The following TREML2 variants were observed in gnomAD, a reference collection of about 807,000 sequenced individuals.
The protein encoded by TREML2 is triggering receptor expressed on myeloid cells like 2.
Under a neutral mutation model 25.9 loss-of-function variants are expected in TREML2, and 24 were observed. The ratio of observed to expected loss-of-function variants is 0.93; its 90% CI spans 0.67 to 1.30. The LOEUF is 1.30. Ranked by LOEUF, TREML2 falls within the 50% of genes most tolerant of loss-of-function variation. The probability of loss-of-function intolerance (pLI) is 0.00; values close to 1 mark genes in which losing one functional copy is unlikely to be tolerated. For synonymous variants in TREML2, 139 were observed against 155.2 expected (o/e 0.90, Z 0.77); for missense variants, 359 against 395.6 (o/e 0.91, Z 0.78).
At chr6:41,195,371 A>G (rs1766143641) in intron 2 of TREML2, among the ~76,000 whole-genome samples, 1 of 152,078 alleles carries the variant, frequency 6.6e-6, no homozygotes, top group South Asian at 2.1e-4. Context: ...GCCCTTTTCC[A>G]TCCCATTTTC....
chr6:41,196,066 A>AT (rs992487355), intron 2 of TREML2, among the ~76,000 whole-genome samples: 13 of 152,244 alleles, frequency 8.5e-5, no homozygotes, highest in East Asian at 3.9e-4. Flanking sequence ...TGGAATAAGG[A>AT]TTTTTTTTAT....
At position 41,190,731 on chromosome 6, in the gene TREML2, T is replaced by G. The variant is rs1298889998; in HGVS notation, c.*1696A>C. The G allele has an allele frequency of 3.9e-5, 6 of 152,138 alleles. No individual in the cohort carries two copies. Among genetic ancestry groups the G allele is most frequent in the Admixed American group, 3.9e-4 (6 of 15,278 alleles). 9.4% of individuals were successfully genotyped at this position (152,138 alleles called of 1,614,324 possible). Reference sequence around the variant, plus strand: ...ACTGGTGCCAGCTCTTGGGGAGCTATTTTCCCCCAGGTGGGTTAAGTTCTC... The same window carrying G: ...ACTGGTGCCAGCTCTTGGGGAGCTAGTTTCCCCCAGGTGGGTTAAGTTCTC... On this transcript the variant is annotated 3_prime_UTR_variant, in exon 5 of 5. Transcript: ENST00000483722.
At chr6:41,199,443 T>G (rs1291134127) in intron 1 of TREML2, among the ~76,000 whole-genome samples, 1 of 152,262 alleles carries the variant, frequency 6.6e-6, no homozygotes, top group African/African-American at 2.4e-5. Context: ...TAAATATACA[T>G]GTAAACAAAC....
In TREML2 at chr6:41,194,350, G is replaced by C. The variant is rs1031360865; in HGVS notation, c.785+75C>G. The C allele has an allele frequency of 1.3e-5, 19 of 1,413,250 alleles. No individual in the cohort carries two copies. In the African/African-American group the frequency reaches 2.6e-4, roughly 19 times the overall value. The allele number at this position is 1,413,250 out of a possible 1,614,324, so 87.5% of individuals were successfully genotyped here. A position where few individuals can be genotyped will look rare whatever the true frequency, so the allele number is the denominator to read the frequency against. Reference sequence around the variant, plus strand: ...CCTGGGGAGCAAAAGGGGAAGGTCAGATATAAGACTTGCACCTCCAGGTCT... The same window carrying C: ...CCTGGGGAGCAAAAGGGGAAGGTCACATATAAGACTTGCACCTCCAGGTCT... On this transcript the variant is annotated intron_variant, in intron 3 of 4. Transcript: ENST00000483722.
chr6:41,190,608 A>C lies in TREML2; in HGVS notation c.*1819T>G, dbSNP rs1192257455. 1 of 152,236 alleles carries C rather than the reference A, an allele frequency of 6.6e-6. No homozygotes were observed. The highest frequency in any genetic ancestry group is 1.5e-5 in the Non-Finnish European group (1 of 68,044). The allele number at this position is 152,236 out of a possible 1,614,324, so 9.4% of individuals were successfully genotyped here. ...GGGTTAGTGACTTGCTGAGGGTCAC[A>C]CAGTGACAGAGTGGTATCCTGGTCC... On this transcript the variant is annotated 3_prime_UTR_variant, in exon 5 of 5. Transcript: ENST00000483722.
intron 1 of TREML2, 62 bp downstream of exon 1, chr6:41,200,892 G>T: frequency 7.2e-7 from 1 of 1,392,886 alleles, no homozygotes; most frequent in Non-Finnish European, 9.5e-7. Flanking sequence ...TAAGAAAAAG[G>T]CCCTGAGCTC....
rs1406624849 is a variant in TREML2, at chr6:41,198,204, G to A, written c.281C>T (p.Ala94Val). ...QAKVVNITMV[A>V]LKLQDSGRYW... is the part of the protein sequence containing the mutation. Reference sequence around the variant, plus strand: ...TCGGCCTGAGTCCTGGAGCTTGAGGGCCACCATGGTGATGTTGACCACCTT... The same window carrying A: ...TCGGCCTGAGTCCTGGAGCTTGAGGACCACCATGGTGATGTTGACCACCTT... Residue 94 changes from alanine to valine, a missense_variant, in exon 2 of 5, where the codon GCC (alanine) becomes GTC (valine). Transcript: ENST00000483722. 18 of 1,614,104 alleles carry A rather than the reference G, an allele frequency of 1.1e-5. No individual in the cohort carries two copies. The highest frequency in any genetic ancestry group is 1.4e-5 in the Non-Finnish European group (17 of 1,180,042).
intron 1 of TREML2, among the ~76,000 whole-genome samples, chr6:41,199,279 G>GA (rs1766234646): frequency 6.6e-6 from 1 of 152,208 alleles, no homozygotes; most frequent in African/African-American, 2.4e-5. Context: ...AGGTAGATAA[G>GA]AAAATCTAGT....
chr6:41,200,200 C>G (rs1303738295), intron 1 of TREML2, among the ~76,000 whole-genome samples: 2 of 152,208 alleles, frequency 1.3e-5, no homozygotes, highest in East Asian at 3.8e-4. Flanking sequence ...AATGATCCAA[C>G]TTCATTATTT....
Position 41,192,345 on chromosome 6 carries a change from G to T in TREML2, c.*82C>A, listed in dbSNP as rs538028008. 2.7e-6 allele frequency: 3 copies of T among 1,116,408 alleles called. No homozygotes were observed. Among genetic ancestry groups the T allele is most frequent in the South Asian group, 1.3e-5 (1 of 77,168 alleles). The allele number at this position is 1,116,408 out of a possible 1,614,324, so 69.2% of individuals were successfully genotyped here. On this transcript the variant is annotated 3_prime_UTR_variant, in exon 5 of 5. Coordinates refer to ENST00000483722, the MANE Select transcript of TREML2 (RefSeq NM_024807.4). ...ACAAGTCCTCCAGCTTCATAAGATC[G>T]ATACTGGCCCCAATCTTCACCCCTC... is the stretch of plus-strand genomic sequence containing the variant.
chr6:41,195,356 A>G (rs986474936), intron 2 of TREML2, among the ~76,000 whole-genome samples: 4 of 151,946 alleles, frequency 2.6e-5, no homozygotes, highest in Admixed American at 2.6e-4. Flanking sequence ...TCACCCATCA[A>G]CCCAGCCCTT....
intron 2 of TREML2, 31 bp from the exon 3 acceptor site, chr6:41,194,864 T>C: frequency 6.5e-7 from 1 of 1,534,290 alleles, no homozygotes; most frequent in Non-Finnish European, 8.8e-7. Context: ...AACGTTAGAT[T>C]GACTTGGGTG....
In TREML2 at chr6:41,192,277, G is replaced by C. The variant is rs1264321515; in HGVS notation, c.*150C>G. 1 of 669,384 alleles carries C rather than the reference G, an allele frequency of 1.5e-6. No homozygotes were observed. The allele number at this position is 669,384 out of a possible 1,614,324, so 41.5% of individuals were successfully genotyped here. ...CTGGGCTGTGGGGCTGCTTAGGATGGCAGCCTCTGGGTTTGGGAAGTCCTG... is the reference window on the plus strand; with the variant it reads ...CTGGGCTGTGGGGCTGCTTAGGATGCCAGCCTCTGGGTTTGGGAAGTCCTG... On this transcript the variant is annotated 3_prime_UTR_variant, in exon 5 of 5. Transcript: ENST00000483722.
rs1366071782 is a variant in TREML2, at chr6:41,192,807, T to C, written c.880A>G (p.Met294Val). 6.2e-7 allele frequency: 1 copy of C among 1,612,088 alleles called. No individual in the cohort carries two copies. The highest frequency in any genetic ancestry group is 1.7e-5 in the Admixed American group (1 of 59,872). Reference protein sequence around the residue: ...MVYGFWKKRHMASYSMCSDPS... With the variant: ...MVYGFWKKRHVASYSMCSDPS... ...GGAGGTGGGCTCTACTCACTTGCCA[T>C]GTGTCTCTTCTTCCAAAACCCATAG... The change falls in exon 4 of 5, where the codon ATG becomes GTG. Residue 294 changes from methionine to valine, a missense_variant. By Grantham distance (21) the Met-to-Val change is conservative. Transcript: ENST00000483722.
intron 1 of TREML2, among the ~76,000 whole-genome samples, chr6:41,200,056 C>T (rs570406079): frequency 4.1e-4 from 63 of 152,320 alleles, no homozygotes; most frequent in African/African-American, 1.5e-3. Flanking sequence ...GTCAAGGGCC[C>T]AGAATCCAGG....
At chr6:41,192,724 G>C (rs1402991124) in intron 4 of TREML2, 77 bp downstream of exon 4, 7 of 1,355,446 alleles carry the variant, frequency 5.2e-6, no homozygotes, top group Non-Finnish European at 7.3e-6. Context: ...ATACCACGTG[G>C]GGACTCGAGG....
In TREML2 at chr6:41,194,700, T is replaced by A; in HGVS notation, c.510A>T (p.Pro170=). ...AGAGCCTAGGCAAGGTGATGAGTCC[T>A]GGGGTGAACACCATCACACCAGTGG... ...PFTTGVMVFT[P]GLITLPRLLA... is the part of the protein sequence containing the mutation. The change falls in exon 3 of 5, where the codon CCA becomes CCT. Residue 170 remains proline (P), a synonymous_variant. Transcript: ENST00000483722. The A allele has an allele frequency of 6.2e-7, 1 of 1,614,098 alleles. No individual in the cohort carries two copies. The highest frequency in any genetic ancestry group is 8.5e-7 in the Non-Finnish European group (1 of 1,179,986).
intron 1 of TREML2, among the ~76,000 whole-genome samples, chr6:41,200,178 C>T (rs1184340810): frequency 6.6e-6 from 1 of 152,222 alleles, no homozygotes; most frequent in Non-Finnish European, 1.5e-5. Context: ...CTGTCCCTTG[C>T]AAACTAAACA....
rs1263087897 is a variant in TREML2, at chr6:41,191,388, C to CT, written c.*1038dup. The CT allele has an allele frequency of 6.6e-6, 1 of 152,326 alleles. No individual in the cohort carries two copies. The highest frequency in any genetic ancestry group is 1.5e-5 in the Non-Finnish European group (1 of 68,166). The allele number at this position is 152,326 out of a possible 1,614,324, so 9.4% of individuals were successfully genotyped here. A position where few individuals can be genotyped will look rare whatever the true frequency, so the allele number is the denominator to read the frequency against. On this transcript the variant is annotated 3_prime_UTR_variant, in exon 5 of 5. Transcript: ENST00000483722. Reference sequence around the variant, plus strand: ...CTTGGGCTCCATTTTCCCTGTCCCCCTGCCTGGGCCAGTCCTCCAGGCCGT... The same window carrying CT: ...CTTGGGCTCCATTTTCCCTGTCCCCCTTGCCTGGGCCAGTCCTCCAGGCCGT...
Sources: gnomAD v4.1 joint callset for allele counts (sites outside exome capture counted in the v4.1 genomes callset) on GRCh38, gnomAD v4.1.1 for gene constraint, MANE v1.5 for transcripts, NCBI Gene and HGNC (gene_info 2026-07-23, HGNC 2026-07-21) for gene names.